Variants in SLC24A3 observed in about 807,000 individuals in gnomAD.
SLC24A3 encodes the protein solute carrier family 24 member 3.
SLC24A3 carries 28 observed loss-of-function variants against 75.8 expected under a neutral mutation model. The observed-to-expected ratio is 0.37, with a 90% confidence interval of 0.27 to 0.51. SLC24A3 has a LOEUF of 0.51. Ranked by LOEUF, SLC24A3 falls within the 20% of genes least tolerant of loss-of-function variation. The pLI is 0.94. For missense variants in SLC24A3, 663 were observed against 847.8 expected (o/e 0.78, Z 2.71); for synonymous variants, 372 against 334.1 (o/e 1.11, Z -1.24).
At chr20:19,523,356 T>C (rs1040097978) in intron 3 of SLC24A3, among the ~76,000 whole-genome samples, 2 of 152,212 alleles carry the variant, frequency 1.3e-5, no homozygotes, top group African/African-American at 4.8e-5. Context: ...GAATAGCTTG[T>C]GGAATTTGCT....
intron 2 of SLC24A3, among the ~76,000 whole-genome samples, chr20:19,392,367 A>T (rs539981722): frequency 1.4e-3 from 208 of 152,272 alleles, no homozygotes; most frequent in Middle Eastern, 6.8e-3. Flanking sequence ...AGCATGTTCT[A>T]TTAGCGTTTC....
At chr20:19,256,084 A>G (rs1982805209) in intron 1 of SLC24A3, among the ~76,000 whole-genome samples, 1 of 151,164 alleles carries the variant, frequency 6.6e-6, no homozygotes, top group Admixed American at 6.6e-5. Context: ...GCGTGATCGA[A>G]CGAGACCCTG....
At chr20:19,481,982 T>C (rs1293194019) in intron 2 of SLC24A3, among the ~76,000 whole-genome samples, 2 of 151,662 alleles carry the variant, frequency 1.3e-5, no homozygotes, top group African/African-American at 4.8e-5. Context: ...TCCTCCCGGG[T>C]TCCCACCCTG....
chr20:19,386,021 T>G lies in SLC24A3; in HGVS notation c.271+104934T>G, dbSNP rs573161894. Among the ~76,000 whole-genome samples the G allele has an allele frequency of 2.8e-4, 42 of 152,338 alleles. 2 individuals are homozygous for G. The South Asian group carries it at 8.5e-3, about 31-fold the overall frequency. On this transcript the variant is annotated intron_variant, in intron 2 of 16. Coordinates refer to ENST00000328041, the MANE Select transcript of SLC24A3 (RefSeq NM_020689.4). ...AGATCACTTTGGCTAGCATGGACAT[T>G]TTAACAGTATTCATTCTTCCAATGC...
chr20:19,449,498 A>T (rs1340495707), intron 2 of SLC24A3, among the ~76,000 whole-genome samples: 1 of 152,174 alleles, frequency 6.6e-6, no homozygotes, highest in Non-Finnish European at 1.5e-5. Flanking sequence ...AAATGCCTTG[A>T]CCTCTGGCAG....
chr20:19,365,185 A>G lies in SLC24A3; in HGVS notation c.271+84098A>G, dbSNP rs117775160. On this transcript the variant is annotated intron_variant, in intron 2 of 16. Transcript: ENST00000328041. ...TTCAGCTTGACTTTCCCTCAAGCCA[A>G]CTTCTGGGGTGATAGGAATCCTTAA... is the stretch of plus-strand genomic sequence containing the variant. Among the ~76,000 whole-genome samples, 1,112 of 152,288 alleles carry G rather than the reference A, an allele frequency of 7.3e-3. 8 individuals carry two copies. Among genetic ancestry groups the G allele is most frequent in the Non-Finnish European group, 0.011 (760 of 68,022 alleles).
chr20:19,315,351 G>A (rs1600424900), intron 2 of SLC24A3, among the ~76,000 whole-genome samples: 1 of 152,314 alleles, frequency 6.6e-6, no homozygotes, highest in African/African-American at 2.4e-5. Flanking sequence ...GATCACTGGG[G>A]CTGGGGTGCC....
intron 3 of SLC24A3, among the ~76,000 whole-genome samples, chr20:19,535,185 GC>G (rs1181763864): frequency 1.3e-5 from 2 of 152,338 alleles, no homozygotes; most frequent in African/African-American, 4.8e-5. Flanking sequence ...GTATCAGTTA[GC>G]TTTTGCTGTG....
intron 6 of SLC24A3, among the ~76,000 whole-genome samples, chr20:19,604,028 T>C (rs1232261703): frequency 6.6e-6 from 1 of 152,142 alleles, no homozygotes; most frequent in African/African-American, 2.4e-5. Flanking sequence ...TGTGGTCCAG[T>C]CACTTACTCC....
At chr20:19,515,659 T>G in intron 3 of SLC24A3, 95 bp downstream of exon 3, 1 of 1,257,036 alleles carries the variant, frequency 8.0e-7, no homozygotes, top group Non-Finnish European at 1.2e-6. Context: ...AGATTCTCTC[T>G]GCCCTCCTGT....
At chr20:19,467,741 C>T (rs1296028659) in intron 2 of SLC24A3, among the ~76,000 whole-genome samples, 4 of 152,118 alleles carry the variant, frequency 2.6e-5, no homozygotes, top group Middle Eastern at 3.4e-3. Flanking sequence ...ATTAGCTGGG[C>T]GTAGTGGTGC....
At chr20:19,215,706 AATTAT>A (rs1308731827) in intron 1 of SLC24A3, among the ~76,000 whole-genome samples, 4 of 152,156 alleles carry the variant, frequency 2.6e-5, no homozygotes, top group African/African-American at 7.2e-5. Context: ...GATGTGTGAT[AATTAT>A]ATTATATGAT....
At chr20:19,485,445 A>G (rs1451051251) in intron 2 of SLC24A3, among the ~76,000 whole-genome samples, 1 of 152,194 alleles carries the variant, frequency 6.6e-6, no homozygotes, top group African/African-American at 2.4e-5. Flanking sequence ...GGCTGTATTT[A>G]TGCCTAAGTG....
intron 6 of SLC24A3, among the ~76,000 whole-genome samples, chr20:19,627,967 G>A (rs1442492454): frequency 6.6e-6 from 1 of 151,990 alleles, no homozygotes; most frequent in Non-Finnish European, 1.5e-5. Context: ...GGAGGCTGAG[G>A]CGGGCAGACC....
chr20:19,701,871 C>T (rs2032878597), intron 15 of SLC24A3, among the ~76,000 whole-genome samples: 1 of 152,100 alleles, frequency 6.6e-6, no homozygotes, highest in African/African-American at 2.4e-5. Context: ...GAATTCATCC[C>T]TGAATAATAT....
intron 1 of SLC24A3, among the ~76,000 whole-genome samples, chr20:19,233,009 A>G (rs1004988717): frequency 2.0e-5 from 3 of 152,270 alleles, no homozygotes; most frequent in Non-Finnish European, 2.9e-5. Context: ...AGACTAAATT[A>G]TCTCCTTTAA....
chr20:19,406,998 A>G (rs1292882186), intron 2 of SLC24A3, among the ~76,000 whole-genome samples: 2 of 149,474 alleles, frequency 1.3e-5, no homozygotes. Context: ...TCACTCACCA[A>G]TCATGGCACT....
At chr20:19,359,879 G>A (rs1600447178) in intron 2 of SLC24A3, among the ~76,000 whole-genome samples, 1 of 152,134 alleles carries the variant, frequency 6.6e-6, no homozygotes, top group East Asian at 1.9e-4. Flanking sequence ...ACTACCCTCT[G>A]GGAGACAGTG....
At chr20:19,439,852 T>C (rs987999416) in intron 2 of SLC24A3, among the ~76,000 whole-genome samples, 1 of 151,952 alleles carries the variant, frequency 6.6e-6, no homozygotes, top group Admixed American at 6.6e-5. Flanking sequence ...TTGCTGAGGG[T>C]AAGAAGGGGA....
Sources: gnomAD v4.1 joint callset for allele counts (sites outside exome capture counted in the v4.1 genomes callset) on GRCh38, gnomAD v4.1.1 for gene constraint, MANE v1.5 for transcripts, NCBI Gene and HGNC (gene_info 2026-07-23, HGNC 2026-07-21) for gene names.